The following FRMD3 variants were observed in gnomAD, a reference collection of about 807,000 sequenced individuals.
FRMD3 encodes the protein FERM domain-containing protein 3.
Under a neutral mutation model 70.2 loss-of-function variants are expected in FRMD3, and 33 were observed. That is an observed-to-expected ratio of 0.47 (90% CI 0.36 to 0.63). The LOEUF is 0.63. Ranked by LOEUF, FRMD3 falls within the 20% of genes least tolerant of loss-of-function variation. The pLI is 0.00. For synonymous variants in FRMD3, 279 were observed against 255.9 expected, an observed-to-expected ratio of 1.09 and a Z score of -0.86; for missense variants, 632 against 711.4, an observed-to-expected ratio of 0.89 and a Z score of 1.27.
At chr9:83,255,285 G>T (rs1217092689) in intron 13 of FRMD3, among the ~76,000 whole-genome samples, 2 of 152,118 alleles carry the variant, frequency 1.3e-5, no homozygotes, top group African/African-American at 4.8e-5. Context: ...AAAGACACAT[G>T]ATTATCTCAA....
chr9:83,294,030 C>A (rs1481750060), intron 12 of FRMD3, among the ~76,000 whole-genome samples: 2 of 152,192 alleles, frequency 1.3e-5, no homozygotes, highest in African/African-American at 4.8e-5. Flanking sequence ...CCACCTTTCG[C>A]TATTGTGATG....
chr9:83,320,786 T>A (rs1835770523), intron 6 of FRMD3, among the ~76,000 whole-genome samples: 1 of 152,184 alleles, frequency 6.6e-6, no homozygotes, highest in Non-Finnish European at 1.5e-5. Flanking sequence ...AATTCAGCTG[T>A]GAATCCATCT....
chr9:83,463,541 G>A (rs1015681935), intron 1 of FRMD3, among the ~76,000 whole-genome samples: 6 of 152,104 alleles, frequency 3.9e-5, no homozygotes, highest in African/African-American at 1.4e-4. Flanking sequence ...TAGCATAGGG[G>A]TAAACGCCCC....
the FRMD3 span, among the ~76,000 whole-genome samples, chr9:83,552,625 C>T: frequency 6.6e-6 from 1 of 152,066 alleles, no homozygotes; most frequent in East Asian, 1.9e-4. Context: ...TTTCTATGAA[C>T]TTGCTTTAGG....
chr9:83,469,985 G>C (rs1828229203), intron 1 of FRMD3, among the ~76,000 whole-genome samples: 1 of 152,182 alleles, frequency 6.6e-6, no homozygotes, highest in Non-Finnish European at 1.5e-5. Flanking sequence ...TAGGACCCAG[G>C]CATTTGTACT....
At chr9:83,333,828 C>A (rs1489603604) in intron 6 of FRMD3, among the ~76,000 whole-genome samples, 1 of 152,144 alleles carries the variant, frequency 6.6e-6, no homozygotes, top group Non-Finnish European at 1.5e-5. Context: ...CCACTATTTA[C>A]AAAGCACAAG....
the FRMD3 span, among the ~76,000 whole-genome samples, chr9:83,567,553 T>C: frequency 1.3e-5 from 2 of 152,190 alleles, no homozygotes; most frequent in Non-Finnish European, 1.5e-5. Flanking sequence ...TTATGCTCTG[T>C]TTCTCTTTTA....
At chr9:83,523,462 A>C (rs963835503) in intron 1 of FRMD3, among the ~76,000 whole-genome samples, 2 of 152,176 alleles carry the variant, frequency 1.3e-5, no homozygotes, top group Admixed American at 1.3e-4. Flanking sequence ...TTTTATATTT[A>C]ACAACTGCTC....
chr9:83,467,842 G>C, intron 1 of FRMD3: 7 of 1,369,730 alleles, frequency 5.1e-6, no homozygotes, highest in Non-Finnish European at 6.6e-6. Flanking sequence ...CAGTAAATAG[G>C]TTGATGGTTT....
At chr9:83,349,817 A>C in intron 3 of FRMD3, 60 bp from the exon 4 acceptor site, 4 of 1,318,148 alleles carry the variant, frequency 3.0e-6, no homozygotes, top group Non-Finnish European at 4.3e-6. Flanking sequence ...CCTCAAACAC[A>C]CACGGGAAAG....
At chr9:83,367,391 C>T (rs550533795) in intron 3 of FRMD3, among the ~76,000 whole-genome samples, 1 of 152,224 alleles carries the variant, frequency 6.6e-6, no homozygotes, top group African/African-American at 2.4e-5. Flanking sequence ...CAACCCACCC[C>T]ATCTCTTTCC....
chr9:83,304,247 G>C (rs1265446206), intron 10 of FRMD3, among the ~76,000 whole-genome samples: 1 of 152,178 alleles, frequency 6.6e-6, no homozygotes, highest in African/African-American at 2.4e-5. Flanking sequence ...AATTGGGTCT[G>C]GGGTAGGATG....
chr9:83,516,140 G>A (rs750164113), intron 1 of FRMD3, among the ~76,000 whole-genome samples: 52 of 152,034 alleles, frequency 3.4e-4, no homozygotes, highest in Admixed American at 2.6e-3. Flanking sequence ...AAATGTAAAC[G>A]AGCTAAATGC....
chr9:83,244,277 T>TATTA (rs1215116303), downstream of FRMD3, among the ~76,000 whole-genome samples: 1 of 152,186 alleles, frequency 6.6e-6, no homozygotes, highest in African/African-American at 2.4e-5. Context: ...GATGATAACA[T>TATTA]ATTAATTTCT....
intron 1 of FRMD3, among the ~76,000 whole-genome samples, chr9:83,519,021 C>T (rs1829513698): frequency 6.6e-6 from 1 of 152,136 alleles, no homozygotes; most frequent in African/African-American, 2.4e-5. Flanking sequence ...AAATGTAAGC[C>T]CTAAAACCAT....
chr9:83,584,889 A>T, the FRMD3 span, among the ~76,000 whole-genome samples: 1 of 152,228 alleles, frequency 6.6e-6, no homozygotes, highest in Non-Finnish European at 1.5e-5. Flanking sequence ...TATTCATTAT[A>T]ATAGACTTCT....
the FRMD3 span, among the ~76,000 whole-genome samples, chr9:83,574,460 A>T: frequency 6.6e-6 from 1 of 152,224 alleles, no homozygotes; most frequent in African/African-American, 2.4e-5. Flanking sequence ...CCATTCGAGA[A>T]GAACTCCATT....
intron 6 of FRMD3, chr9:83,331,737 C>T (rs1290993096): frequency 3.1e-6 from 2 of 653,944 alleles, no homozygotes; most frequent in Non-Finnish European, 5.6e-6. Flanking sequence ...TGCTGTAAAC[C>T]TAAACATCTC....
the FRMD3 span, among the ~76,000 whole-genome samples, chr9:83,545,346 GT>G: frequency 5.8e-4 from 68 of 117,330 alleles, no homozygotes; most frequent in African/African-American, 7.9e-4. Context: ...GAAAAGTGTT[GT>G]TTTTTTTTGT....
Sources: allele counts gnomAD v4.1 joint callset (sites outside exome capture counted in the v4.1 genomes callset), GRCh38; gene constraint gnomAD v4.1.1; transcripts MANE v1.5; gene names NCBI Gene and HGNC (gene_info 2026-07-23, HGNC 2026-07-21).